CLEC20A: variants seen among roughly 807,000 people sequenced by gnomAD.
The protein encoded by CLEC20A is C-type lectin domain containing 20A.
At chr1:178,496,663 C>T (rs1229867300) in intron 1 of CLEC20A, 6 of 395,576 alleles carry the variant, frequency 1.5e-5, no homozygotes, top group South Asian at 2.9e-4. Flanking sequence ...CTGCTGGAGC[C>T]GCACTGTTTC....
Position 178,490,054 on chromosome 1 carries a change from G to A in CLEC20A, c.829+18C>T, listed in dbSNP as rs1416921290. On this transcript the variant is annotated intron_variant, in intron 4 of 7. Coordinates refer to ENST00000623247, the Ensembl canonical transcript of CLEC20A. ...TCCTCAATGGGCCGAGGGCCAGCAA[G>A]AGCAGACTCTCACTCACCATAGAAG... 2.5e-6 allele frequency: 1 copy of A among 398,672 alleles called. No individual in the cohort carries two copies. The highest frequency in any genetic ancestry group is 4.4e-6 in the Non-Finnish European group (1 of 226,152). The allele number at this position is 398,672 out of a possible 1,614,324, so 24.7% of individuals were successfully genotyped here.
upstream of CLEC20A, among the ~76,000 whole-genome samples, chr1:178,497,582 A>G (rs1649430030): frequency 6.6e-6 from 1 of 152,188 alleles, no homozygotes; most frequent in Non-Finnish European, 1.5e-5. Flanking sequence ...CTGTCCAATC[A>G]TATTTCTACA....
At chr1:178,490,912 C>T (rs748091742) in intron 3 of CLEC20A, among the ~76,000 whole-genome samples, 8 of 152,108 alleles carry the variant, frequency 5.3e-5, no homozygotes, top group Non-Finnish European at 7.4e-5. Flanking sequence ...TTTCTAGGGG[C>T]GGTGCCTGCC....
intron 6 of CLEC20A, 54 bp downstream of exon 6, chr1:178,483,121 A>C (rs1649034369): frequency 5.0e-6 from 2 of 398,246 alleles, no homozygotes; most frequent in African/African-American, 2.1e-5. Context: ...GTGACTGTCC[A>C]GATTTAACTG....
intron 1 of CLEC20A, chr1:178,496,655 G>T: frequency 5.1e-6 from 2 of 394,650 alleles, no homozygotes; most frequent in African/African-American, 2.1e-5. Context: ...AAAGAAAGCT[G>T]CTGGAGCCGC....
upstream of CLEC20A, among the ~76,000 whole-genome samples, chr1:178,499,231 G>A (rs1649470695): frequency 1.3e-5 from 2 of 152,202 alleles, no homozygotes; most frequent in Admixed American, 1.3e-4. Context: ...AAGTCACAAA[G>A]CACTCGCTTC....
At chr1:178,499,209 C>G (rs57679214), upstream of CLEC20A, among the ~76,000 whole-genome samples, 32,065 of 152,182 alleles carry the variant, frequency 0.21, 4,913 homozygotes, top group African/African-American at 0.44. Context: ...CTTGAGAGCA[C>G]GGACTGTGCC....
At chr1:178,496,860 C>T in intron 1 of CLEC20A, 40 bp downstream of exon 1, 1 of 398,718 alleles carries the variant, frequency 2.5e-6, no homozygotes. Flanking sequence ...CCCGGGGGAG[C>T]ATGGAGCCAG....
chr1:178,495,992 C>G (rs377351774), intron 1 of CLEC20A: 1 of 152,548 alleles, frequency 6.6e-6, no homozygotes. Context: ...GGGCACAGGC[C>G]GTGGCATGGA....
In CLEC20A at chr1:178,492,155, T is replaced by C. The variant is rs924572450; in HGVS notation, c.463+346A>G. Among the ~76,000 whole-genome samples the C allele has an allele frequency of 7.2e-5, 11 of 152,164 alleles. 1 individual carries two copies. Among genetic ancestry groups the C allele is most frequent in the Admixed American group, 4.6e-4 (7 of 15,270 alleles). ...AAAAAATTAGCTGGGCATGGTGGCA[T>C]GTGCCTGTAGTACCAGCTACTCAGG... On this transcript the variant is annotated intron_variant, in intron 3 of 7. Transcript: ENST00000623247.
chr1:178,487,210 G>T (rs1466461989), intron 5 of CLEC20A, among the ~76,000 whole-genome samples: 4 of 152,226 alleles, frequency 2.6e-5, no homozygotes, highest in Non-Finnish European at 5.9e-5. Flanking sequence ...GGCGAGCAGG[G>T]AGGGCCTCCT....
chr1:178,487,442 C>T (rs1369708183), intron 5 of CLEC20A, among the ~76,000 whole-genome samples: 2 of 152,214 alleles, frequency 1.3e-5, no homozygotes, highest in African/African-American at 2.4e-5. Flanking sequence ...CGCTGACTGT[C>T]CCCACCCCAC....
chr1:178,487,105 C>T (rs762849747), intron 5 of CLEC20A, among the ~76,000 whole-genome samples: 12 of 152,200 alleles, frequency 7.9e-5, no homozygotes, highest in Non-Finnish European at 1.6e-4. Flanking sequence ...CGGGACCCCT[C>T]CCAAAGCCGA....
upstream of CLEC20A, among the ~76,000 whole-genome samples, chr1:178,497,660 C>A (rs1649432612): frequency 6.6e-6 from 1 of 152,240 alleles, no homozygotes; most frequent in South Asian, 2.1e-4. Context: ...ATTGGGTCTT[C>A]ATTCTGAAGG....
chr1:178,481,111 G>A (rs1398174386), intron 7 of CLEC20A: 1 of 152,186 alleles, frequency 6.6e-6, no homozygotes, highest in Non-Finnish European at 1.5e-5. Flanking sequence ...CAAGCATGCA[G>A]TCACGTGCTC....
upstream of CLEC20A, among the ~76,000 whole-genome samples, chr1:178,497,629 C>A (rs534601947): frequency 1.1e-4 from 16 of 152,332 alleles, no homozygotes; most frequent in Middle Eastern, 3.4e-3. Context: ...AGCATAAAAA[C>A]GAACAATGTC....
intron 2 of CLEC20A, among the ~76,000 whole-genome samples, chr1:178,493,962 C>T (rs762958082): frequency 1.3e-5 from 2 of 152,154 alleles, no homozygotes; most frequent in South Asian, 2.1e-4. Context: ...TTGAGGTCTT[C>T]GAATAGGGGT....
At chr1:178,495,397 T>A (rs1209457248) in intron 1 of CLEC20A, among the ~76,000 whole-genome samples, 1 of 152,238 alleles carries the variant, frequency 6.6e-6, no homozygotes, top group African/African-American at 2.4e-5. Context: ...CCCCTCCATC[T>A]GGGGCTCATA....
chr1:178,488,203 G>T (rs943267437), intron 5 of CLEC20A, among the ~76,000 whole-genome samples: 1 of 152,190 alleles, frequency 6.6e-6, no homozygotes, highest in Non-Finnish European at 1.5e-5. Context: ...CTGAGAGACC[G>T]TACGGCCTCT....
Sources: gnomAD v4.1 joint callset for allele counts (sites outside exome capture counted in the v4.1 genomes callset) on GRCh38, gnomAD v4.1.1 for gene constraint, MANE v1.5 for transcripts, NCBI Gene and HGNC (gene_info 2026-07-23, HGNC 2026-07-21) for gene names.